ART3: variants seen among roughly 807,000 people sequenced by gnomAD.
The protein encoded by ART3 is ecto-ADP-ribosyltransferase 3.
In ART3, 49 loss-of-function variants were observed where a neutral mutation model predicts 48.5. The ratio of observed to expected loss-of-function variants is 1.01; its 90% CI spans 0.80 to 1.28. ART3 has a LOEUF of 1.28. Among genes scored for constraint, ART3 ranks in the 50% most tolerant of loss-of-function variants. The pLI is 0.00. For synonymous variants in ART3, 145 were observed against 157.2 expected, an observed-to-expected ratio of 0.92 and a Z score of 0.58; for missense variants, 438 against 454.3, an observed-to-expected ratio of 0.96 and a Z score of 0.33.
chr4:76,049,227 G>A (rs990988850), intron 1 of ART3, among the ~76,000 whole-genome samples: 1 of 151,948 alleles, frequency 6.6e-6, no homozygotes, highest in African/African-American at 2.4e-5. Flanking sequence ...AACTAGAAAA[G>A]CACCAGGGAC....
intron 1 of ART3, among the ~76,000 whole-genome samples, chr4:76,056,709 C>T (rs1303771378): frequency 2.6e-5 from 4 of 152,080 alleles, no homozygotes; most frequent in African/African-American, 9.7e-5. Context: ...ATTTAGAATA[C>T]CTTTCTCCCT....
intron 8 of ART3, among the ~76,000 whole-genome samples, chr4:76,103,681 T>G (rs1465340381): frequency 3.9e-5 from 6 of 152,170 alleles, no homozygotes; most frequent in African/African-American, 1.4e-4. Context: ...ATATTGGGAC[T>G]GCCTTCTGAA....
chr4:76,056,248 C>T (rs1410068607), intron 1 of ART3, among the ~76,000 whole-genome samples: 1 of 152,126 alleles, frequency 6.6e-6, no homozygotes, highest in Non-Finnish European at 1.5e-5. Flanking sequence ...TTCCAGAACC[C>T]TTGAAGTTTG....
At chr4:76,099,080 T>A in intron 5 of ART3, 93 bp downstream of exon 5, 1 of 1,159,838 alleles carries the variant, frequency 8.6e-7, no homozygotes, top group Non-Finnish European at 1.3e-6. Flanking sequence ...GGTGAGTGGA[T>A]CACTTGAGCC....
At chr4:76,011,710 G>T (rs35569453) in intron 1 of ART3, among the ~76,000 whole-genome samples, 7,048 of 152,270 alleles carry the variant, frequency 0.046, 216 homozygotes, top group South Asian at 0.14. Context: ...ACCCTACTTC[G>T]TGGTGAAACT....
At chr4:76,043,025 G>A (rs967085900) in intron 1 of ART3, among the ~76,000 whole-genome samples, 14 of 151,900 alleles carry the variant, frequency 9.2e-5, no homozygotes, top group Non-Finnish European at 1.5e-4. Context: ...TGTCGACACA[G>A]AGGTTCTCCG....
rs187999942 is a variant in ART3, at chr4:76,104,264, C to T, written c.970+295C>T. 87 of 812,278 alleles carry T rather than the reference C, an allele frequency of 1.1e-4. No homozygotes were observed. In the Admixed American group the frequency reaches 1.7e-3, roughly 16 times the overall value. 50.3% of individuals were successfully genotyped at this position (812,278 alleles called of 1,614,324 possible). On this transcript the variant is annotated intron_variant, in intron 9 of 11. Transcript: ENST00000355810. The stretch of plus-strand genomic sequence containing the variant: ...TCAGTCCAACACCTTCCAGGTTCTA[C>T]AGCTAAAGTTATTCAATAGAAACCT...
At chr4:76,070,216 A>G (rs971931523), upstream of ART3, among the ~76,000 whole-genome samples, 1 of 151,596 alleles carries the variant, frequency 6.6e-6, no homozygotes, top group Admixed American at 6.6e-5. Flanking sequence ...TGTAAGTAGA[A>G]TTACGGGGTC....
chr4:76,099,023 T>C, intron 5 of ART3, 36 bp downstream of exon 5: 1 of 1,579,218 alleles, frequency 6.3e-7, no homozygotes, highest in Non-Finnish European at 8.7e-7. Flanking sequence ...TAATCTTGGT[T>C]GGGCATGGTG....
In ART3 at chr4:76,026,983, G is replaced by A. The variant is rs373178717; in HGVS notation, c.-10+15663G>A. 9.1e-4 allele frequency among the ~76,000 whole-genome samples: 139 copies of A among 152,382 alleles called. 3 individuals are homozygous for A. The highest frequency in any genetic ancestry group is 3.1e-3 in the African/African-American group (127 of 41,600). ...AGAAACTTTATGGGCCGGGCAAGGT[G>A]GCTCATGCCTGTAATCCCAGCACTT... On this transcript the variant is annotated intron_variant, in intron 1 of 9. Transcript: ENST00000341029.
intron 1 of ART3, among the ~76,000 whole-genome samples, chr4:76,052,046 T>C (rs1169316909): frequency 5.3e-5 from 8 of 151,950 alleles, no homozygotes; most frequent in Admixed American, 5.2e-4. Flanking sequence ...TAGCCTGGAT[T>C]ACGGTCGCCT....
intron 11 of ART3, among the ~76,000 whole-genome samples, chr4:76,111,001 A>C (rs1197536167): frequency 6.6e-6 from 1 of 152,334 alleles, no homozygotes; most frequent in African/African-American, 2.4e-5. Flanking sequence ...ATTCAAAATC[A>C]AAAGAAACGT....
At chr4:76,077,668 C>T (rs191743837) in intron 2 of ART3, among the ~76,000 whole-genome samples, 91 of 152,226 alleles carry the variant, frequency 6.0e-4, no homozygotes, top group African/African-American at 1.9e-3. Context: ...TGATTCATAG[C>T]AAAATTACCT....
intron 10 of ART3, chr4:76,106,359 C>G (rs1196316645): frequency 1.0e-6 from 1 of 985,160 alleles, no homozygotes; most frequent in Non-Finnish European, 1.2e-6. Flanking sequence ...AATGGTCAGT[C>G]TGTAAGAAAC....
chr4:76,031,459 C>T (rs1344081366), intron 1 of ART3, among the ~76,000 whole-genome samples: 1 of 151,932 alleles, frequency 6.6e-6, no homozygotes, highest in Non-Finnish European at 1.5e-5. Context: ...ACTGATTTTC[C>T]TCCTCCACTC....
chr4:76,052,842 C>T (rs139644351), intron 1 of ART3, among the ~76,000 whole-genome samples: 203 of 152,136 alleles, frequency 1.3e-3, no homozygotes, highest in African/African-American at 4.6e-3. Flanking sequence ...AATTCTCGTG[C>T]CTCAGCCTCC....
At chr4:76,015,013 G>A (rs950854796) in intron 1 of ART3, among the ~76,000 whole-genome samples, 8 of 152,092 alleles carry the variant, frequency 5.3e-5, no homozygotes, top group Admixed American at 1.3e-4. Flanking sequence ...CTGAAGCTAG[G>A]GGGAGTTTAT....
chr4:76,110,710 C>T (rs941570353), intron 11 of ART3, among the ~76,000 whole-genome samples: 1 of 152,068 alleles, frequency 6.6e-6, no homozygotes, highest in Admixed American at 6.5e-5. Context: ...GACCCTTGAA[C>T]AACACAGGTT....
intron 3 of ART3, among the ~76,000 whole-genome samples, chr4:76,090,095 A>G (rs1482028141): frequency 6.6e-6 from 1 of 152,122 alleles, no homozygotes; most frequent in Non-Finnish European, 1.5e-5. Context: ...TAAATAAATA[A>G]ATAAAAATAT....
Sources: gnomAD v4.1 joint callset for allele counts (sites outside exome capture counted in the v4.1 genomes callset) on GRCh38, gnomAD v4.1.1 for gene constraint, MANE v1.5 for transcripts, NCBI Gene and HGNC (gene_info 2026-07-23, HGNC 2026-07-21) for gene names.